Variants in LRRN4 observed in about 807,000 individuals in gnomAD.
The protein encoded by LRRN4 is leucine-rich repeat neuronal protein 4.
A neutral mutation model predicts 22.3 loss-of-function variants in LRRN4; 26 were observed. That is an observed-to-expected ratio of 1.16 (90% CI 0.85 to 1.62). LRRN4 has a LOEUF of 1.62. Among genes scored for constraint, LRRN4 ranks in the 40% most tolerant of loss-of-function variants. The probability of loss-of-function intolerance (pLI) is 0.00; values close to 1 mark genes in which losing one functional copy is unlikely to be tolerated. For synonymous variants in LRRN4, 496 were observed against 486.2 expected (o/e 1.02, Z -0.26); for missense variants, 1,070 against 1,008.5 (o/e 1.06, Z -0.83).
chr20:6,052,071 C>T lies in LRRN4; in HGVS notation c.655+74G>A, dbSNP rs145240527. ...GTCACCCCTCGAGGAAGAACGCAGC[C>T]CTGCCCCCCGGAGCGCACGCGCAGC... On this transcript the variant is annotated intron_variant, in intron 2 of 4. Transcript: ENST00000378858. The T allele has an allele frequency of 3.6e-5, 54 of 1,492,590 alleles. No homozygotes were observed. In the East Asian group the frequency reaches 1.4e-3, roughly 39 times the overall value. 92.5% of individuals were successfully genotyped at this position (1,492,590 alleles called of 1,614,324 possible).
At chr20:6,050,662 G>T in intron 3 of LRRN4, 117 bp downstream of exon 3, 1 of 1,027,998 alleles carries the variant, frequency 9.7e-7, no homozygotes, top group Non-Finnish European at 1.5e-6. Context: ...AAGCCCCAGA[G>T]AGGATTTGGA....
chr20:6,052,610 G>A lies in LRRN4; in HGVS notation c.190C>T (p.Arg64Cys). The change falls in exon 2 of 5, where the codon CGC (arginine) becomes TGC (cysteine). Residue 64 changes from arginine (R) to cysteine (C), a missense_variant. Transcript: ENST00000378858. ...ADATALTLAN[R>C]NLERLPGCLP... ...CAGCCGGGCAGGCGCTCCAGGTTGC[G>A]GTTCGCCAGGGTCAAGGCCGTCGCA... 2 of 1,587,958 alleles carry A rather than the reference G, an allele frequency of 1.3e-6. No individual in the cohort carries two copies. Among genetic ancestry groups the A allele is most frequent in the Non-Finnish European group, 1.7e-6 (2 of 1,174,804 alleles).
chr20:6,046,742 G>A (rs1227019643), intron 3 of LRRN4, among the ~76,000 whole-genome samples: 1 of 149,000 alleles, frequency 6.7e-6, no homozygotes, highest in Non-Finnish European at 1.5e-5. Context: ...GAAAGTGACA[G>A]TCACCCCTGG....
At position 6,052,681 on chromosome 20, in the gene LRRN4, C is replaced by T; in HGVS notation, c.119G>A (p.Gly40Asp). Residue 40 changes from glycine to aspartate, a missense_variant, in exon 2 of 5, where the codon GGC becomes GAC. By Grantham distance (94) the Gly-to-Asp change is moderately conservative. Transcript: ENST00000378858. Reference protein sequence around the residue: ...VTQQGPWGSSGSNATDSPCEG... With the variant: ...VTQQGPWGSSDSNATDSPCEG... ...GCAGGGCGAGTCGGTGGCGTTGCTG[C>T]CACTGCTCCCCCAGGGGCCCTGCTG... 6.4e-7 allele frequency: 1 copy of T among 1,574,756 alleles called. No individual in the cohort carries two copies. The highest frequency in any genetic ancestry group is 8.6e-7 in the Non-Finnish European group (1 of 1,168,038).
chr20:6,044,550 G>A lies in LRRN4; in HGVS notation c.991C>T (p.Leu331=). The A allele has an allele frequency of 1.3e-6, 2 of 1,576,728 alleles. No individual in the cohort carries two copies. Among genetic ancestry groups the A allele is most frequent in the Non-Finnish European group, 8.6e-7 (1 of 1,163,102 alleles). ...GCTTTGTAAATGTGTTACCTGCTTA[G>A]GACAGTTCTCTTTGCATCCGTGAGG... ...WLLTDAKRTV[L]SRAADTMCAP... Residue 331 remains leucine, a synonymous_variant, in exon 4 of 5, where the codon CTA becomes TTA. Coordinates refer to ENST00000378858, the MANE Select transcript of LRRN4 (RefSeq NM_152611.5).
chr20:6,052,659 G>A lies in LRRN4; in HGVS notation c.141C>T (p.Pro47=). 6.3e-7 allele frequency: 1 copy of A among 1,582,520 alleles called. No homozygotes were observed. Among genetic ancestry groups the A allele is most frequent in the Non-Finnish European group, 8.5e-7 (1 of 1,172,260 alleles). Residue 47 remains proline (P), a synonymous_variant, in exon 2 of 5, where the codon CCC becomes CCT. Transcript: ENST00000378858. The stretch of plus-strand genomic sequence containing the variant: ...CATCCGCGGCGGGCAGCCCCTCGCA[G>A]GGCGAGTCGGTGGCGTTGCTGCCAC... ...GSSGSNATDS[P]CEGLPAADAT... is the part of the protein sequence containing the mutation.
At chr20:6,048,128 T>C (rs143683538) in intron 3 of LRRN4, among the ~76,000 whole-genome samples, 2 of 152,230 alleles carry the variant, frequency 1.3e-5, no homozygotes, top group Admixed American at 6.5e-5. Flanking sequence ...GGTCACCCCA[T>C]TCTCAGCTGA....
chr20:6,042,288 G>A, intron 4 of LRRN4, 42 bp from the exon 5 acceptor site: 5 of 1,565,874 alleles, frequency 3.2e-6, no homozygotes, highest in Non-Finnish European at 4.3e-6. Flanking sequence ...CTGGCTTCAG[G>A]GACACTTCTG....
intron 3 of LRRN4, 21 bp downstream of exon 3, chr20:6,050,758 A>G: frequency 1.2e-6 from 2 of 1,607,378 alleles, no homozygotes; most frequent in Non-Finnish European, 1.7e-6. Flanking sequence ...TGTGATGAAG[A>G]TGTGCCTCAG....
At position 6,045,651 on chromosome 20, in the gene LRRN4, G is replaced by T. The variant is rs920150672; in HGVS notation, c.861-971C>A. ...TGCATCAGTGAACTCTTGCTAAGTA[G>T]AGAGTATCCTCCAAACTTAGTAACT... is the stretch of plus-strand genomic sequence containing the variant. On this transcript the variant is annotated intron_variant, in intron 3 of 4. Transcript: ENST00000378858. 4.7e-5 allele frequency among the ~76,000 whole-genome samples: 7 copies of T among 148,922 alleles called. No homozygotes were observed. In the South Asian group the frequency reaches 1.1e-3, roughly 23 times the overall value.
chr20:6,052,562 G>A lies in LRRN4; in HGVS notation c.238C>T (p.Leu80Phe), dbSNP rs747500326. 4.4e-6 allele frequency: 7 copies of A among 1,579,710 alleles called. No individual in the cohort carries two copies. The African/African-American group carries it at 6.7e-5, about 15-fold the overall frequency. ...CGCAGCAGGTTGTGGCTGGCGTCGAGGCTGCGCAGTGTGCGCGGTAGGCAG... is the reference window on the plus strand; with the variant it reads ...CGCAGCAGGTTGTGGCTGGCGTCGAAGCTGCGCAGTGTGCGCGGTAGGCAG... ...PGCLPRTLRS[L>F]DASHNLLRAL... The change falls in exon 2 of 5, where the codon CTC becomes TTC. Residue 80 changes from leucine (L) to phenylalanine (F), a missense_variant. Transcript: ENST00000378858.
At chr20:6,053,264 C>G (rs965742609) in intron 1 of LRRN4, among the ~76,000 whole-genome samples, 2 of 152,084 alleles carry the variant, frequency 1.3e-5, no homozygotes, top group South Asian at 2.1e-4. Context: ...AGATTTTGTC[C>G]GTTCAGCAAC....
At chr20:6,051,848 G>C (rs968222330) in intron 2 of LRRN4, among the ~76,000 whole-genome samples, 1 of 152,190 alleles carries the variant, frequency 6.6e-6, no homozygotes, top group African/African-American at 2.4e-5. Context: ...AGAATGCCTG[G>C]GTTCAGATTT....
Position 6,052,388 on chromosome 20 carries a change from G to T in LRRN4, c.412C>A (p.Pro138Thr). The T allele has an allele frequency of 6.5e-7, 1 of 1,526,720 alleles. No homozygotes were observed. The allele number at this position is 1,526,720 out of a possible 1,614,324, so 94.6% of individuals were successfully genotyped here. A position where few individuals can be genotyped will look rare whatever the true frequency, so the allele number is the denominator to read the frequency against. Residue 138 changes from proline to threonine, a missense_variant, in exon 2 of 5, where the codon CCG becomes ACG. By Grantham distance (38) the Pro-to-Thr change is conservative. Transcript: ENST00000378858. ...DLSYNQLAAL[P>T]PCTGPALSSL... ...CTCAGCGCGGGCCCGGTGCACGGCG[G>T]CAGAGCGGCCAGCTGGTTGTAGCTG...
At chr20:6,053,099 G>T (rs895828932) in intron 1 of LRRN4, among the ~76,000 whole-genome samples, 1 of 151,992 alleles carries the variant, frequency 6.6e-6, no homozygotes, top group African/African-American at 2.4e-5. Context: ...TCCAATCTGG[G>T]CCTGAATCTC....
chr20:6,044,539 T>C lies in LRRN4; in HGVS notation c.998+4A>G. The C allele has an allele frequency of 6.6e-7, 1 of 1,517,854 alleles. No individual in the cohort carries two copies. Among genetic ancestry groups the C allele is most frequent in the South Asian group, 1.4e-5 (1 of 72,608 alleles). The allele number at this position is 1,517,854 out of a possible 1,614,324, so 94.0% of individuals were successfully genotyped here. A position where few individuals can be genotyped will look rare whatever the true frequency, so the allele number is the denominator to read the frequency against. ...CTCAGCCATCTGCTTTGTAAATGTGTTACCTGCTTAGGACAGTTCTCTTTG... is the reference window on the plus strand; with the variant it reads ...CTCAGCCATCTGCTTTGTAAATGTGCTACCTGCTTAGGACAGTTCTCTTTG... On this transcript the variant is annotated splice_donor_region_variant and intron_variant, in intron 4 of 4. Coordinates refer to ENST00000378858, the MANE Select transcript of LRRN4 (RefSeq NM_152611.5).
rs986329748 is a variant in LRRN4, at chr20:6,042,125, G to A, written c.1120C>T (p.His374Tyr). Reference sequence around the variant, plus strand: ...GTGGAGCGGTTGAAGCAAGGTGGGTGTGAAGCCCCGAGAGTGGTGCTTTGG... The same window carrying A: ...GTGGAGCGGTTGAAGCAAGGTGGGTATGAAGCCCCGAGAGTGGTGCTTTGG... ...SDQSTTLGAS[H>Y]PPCFNRSTYA... Residue 374 changes from histidine to tyrosine, a missense_variant, in exon 5 of 5, where the codon CAC becomes TAC. Coordinates refer to ENST00000378858, the MANE Select transcript of LRRN4 (RefSeq NM_152611.5). 2 of 1,614,190 alleles carry A rather than the reference G, an allele frequency of 1.2e-6. No individual in the cohort carries two copies. Among genetic ancestry groups the A allele is most frequent in the Non-Finnish European group, 1.7e-6 (2 of 1,180,032 alleles).
At position 6,041,988 on chromosome 20, in the gene LRRN4, T is replaced by C. The variant is rs1232458905; in HGVS notation, c.1257A>G (p.Ala419=). 1.2e-6 allele frequency: 2 copies of C among 1,614,084 alleles called. No individual in the cohort carries two copies. The highest frequency in any genetic ancestry group is 1.7e-5 in the Admixed American group (1 of 60,030). ...CCTCCCGTGCATCGCTGTGCGGCCA[T>C]GCAGCTATCGTGCGAGAGCCCACGT... The part of the protein sequence containing the change: ...APNVGSRTIA[A]WPHSDAREGT... The change falls in exon 5 of 5, where the codon GCA becomes GCG. Residue 419 remains alanine, a synonymous_variant. Coordinates refer to ENST00000378858, the MANE Select transcript of LRRN4 (RefSeq NM_152611.5). This position sits in a 1 kb window ranked among gnomAD's most constrained non-coding sequence, Gnocchi z 9.4.
chr20:6,046,831 G>A lies in LRRN4; in HGVS notation c.861-2151C>T, dbSNP rs1048227496. Among the ~76,000 whole-genome samples the A allele has an allele frequency of 1.3e-5, 2 of 149,010 alleles. 1 individual carries two copies. Among genetic ancestry groups the A allele is most frequent in the South Asian group, 4.3e-4 (2 of 4,702 alleles). On this transcript the variant is annotated intron_variant, in intron 3 of 4. Coordinates refer to ENST00000378858, the MANE Select transcript of LRRN4 (RefSeq NM_152611.5). ...TATACAAGTGTATATATGTATATATGCGTGTATGCTTGTTTTTGCAGATTT... is the reference window on the plus strand; with the variant it reads ...TATACAAGTGTATATATGTATATATACGTGTATGCTTGTTTTTGCAGATTT...
Sources: gnomAD v4.1 joint callset for allele counts (sites outside exome capture counted in the v4.1 genomes callset) on GRCh38, gnomAD v4.1.1 for gene constraint, Gnocchi (gnomAD v3.1) non-coding constraint, MANE v1.5 for transcripts, NCBI Gene and HGNC (gene_info 2026-07-23, HGNC 2026-07-21) for gene names.